Variants in CFAP57 observed in about 807,000 individuals in gnomAD.
CFAP57 encodes cilia and flagella associated protein 57.
A neutral mutation model predicts 146.8 loss-of-function variants in CFAP57; 116 were observed. That is an observed-to-expected ratio of 0.79 (90% CI 0.68 to 0.92). The LOEUF (loss-of-function observed/expected upper bound fraction) is 0.92. Ranked by LOEUF, CFAP57 falls within the 40% of genes least tolerant of loss-of-function variation. CFAP57 has a pLI of 0.00. For synonymous variants in CFAP57, 518 were observed against 552.8 expected, an observed-to-expected ratio of 0.94 and a Z score of 0.88; for missense variants, 1,377 against 1,527.2, an observed-to-expected ratio of 0.90 and a Z score of 1.64.
At chr1:43,205,660 G>A (rs902409436) in intron 9 of CFAP57, among the ~76,000 whole-genome samples, 3 of 152,158 alleles carry the variant, frequency 2.0e-5, no homozygotes, top group African/African-American at 2.4e-5. Flanking sequence ...ATGGGCCGAG[G>A]GGAAGAGAGT....
chr1:43,176,730 A>G (rs1476245520), intron 2 of CFAP57, among the ~76,000 whole-genome samples: 1 of 152,230 alleles, frequency 6.6e-6, no homozygotes, highest in Non-Finnish European at 1.5e-5. Flanking sequence ...GATGCTAATA[A>G]GAACAAACAA....
chr1:43,214,480 A>C (rs750322203), intron 11 of CFAP57, among the ~76,000 whole-genome samples: 1 of 152,214 alleles, frequency 6.6e-6, no homozygotes, highest in African/African-American at 2.4e-5. Context: ...GTAGTATTCC[A>C]TGAAAAACAA....
intron 16 of CFAP57, 86 bp from the exon 17 acceptor site, chr1:43,223,960 G>T (rs1645146064): frequency 6.8e-7 from 1 of 1,470,850 alleles, no homozygotes; most frequent in South Asian, 1.3e-5. Flanking sequence ...GGCCAGTGGT[G>T]GGGAGCCCCT....
Position 43,229,616 on chromosome 1 carries a change from A to G in CFAP57, c.3009+2490A>G, listed in dbSNP as rs570276647. ...CCCGCCCTCACATACTCTTTTTCCAACTTGGCTCTGATGATCCAAGGGTCC... is the reference window on the plus strand; with the variant it reads ...CCCGCCCTCACATACTCTTTTTCCAGCTTGGCTCTGATGATCCAAGGGTCC... On this transcript the variant is annotated intron_variant, in intron 18 of 22. Transcript: ENST00000372492. Among the ~76,000 whole-genome samples, 145 of 148,530 alleles carry G rather than the reference A, an allele frequency of 9.8e-4. 10 individuals carry two copies. The highest frequency in any genetic ancestry group is 1.6e-3 in the Non-Finnish European group (111 of 67,430).
intron 6 of CFAP57, among the ~76,000 whole-genome samples, chr1:43,189,804 G>A (rs1643384968): frequency 6.6e-6 from 1 of 152,206 alleles, no homozygotes; most frequent in Non-Finnish European, 1.5e-5. Flanking sequence ...GAAGATGAAG[G>A]GGTAGTATGC....
chr1:43,182,822 C>G (rs1437684005), intron 3 of CFAP57, among the ~76,000 whole-genome samples: 1 of 152,250 alleles, frequency 6.6e-6, no homozygotes, highest in Admixed American at 6.5e-5. Context: ...CACAGCCCCT[C>G]AAGTTGCTCA....
chr1:43,210,613 C>T (rs1306949853), intron 11 of CFAP57: 1 of 194,068 alleles, frequency 5.2e-6, no homozygotes, highest in Non-Finnish European at 9.6e-6. Context: ...TTAGGAGATA[C>T]TTGGAGCAGT....
rs1248877471 is a variant in CFAP57 at position 43,195,367 on chromosome 1, CA to C, written c.1123-2181del. On this transcript the variant is annotated intron_variant, in intron 6 of 22. Coordinates refer to ENST00000372492, the MANE Select transcript of CFAP57 (RefSeq NM_001378189.1). ...TGAAACCCCGTCTCTACTAAAAATA[CA>C]AAAATTAGCTGGGCATGGTGGCATG... is the stretch of plus-strand genomic sequence containing the variant. Among the ~76,000 whole-genome samples the C allele has an allele frequency of 8.6e-5, 13 of 151,986 alleles. No individual in the cohort carries two copies. The East Asian group carries it at 2.5e-3, about 29-fold the overall frequency.
At chr1:43,239,497 G>T (rs906235574) in intron 21 of CFAP57, among the ~76,000 whole-genome samples, 2 of 152,090 alleles carry the variant, frequency 1.3e-5, no homozygotes, top group African/African-American at 4.8e-5. Flanking sequence ...CTTGCCGGGG[G>T]GCCTTTACAG....
intron 22 of CFAP57, chr1:43,250,413 A>G (rs1231216043): frequency 2.6e-5 from 4 of 152,188 alleles, no homozygotes; most frequent in East Asian, 1.9e-4. Context: ...GCACCGAAGG[A>G]AAACATCACA....
rs776128468 is a variant in CFAP57, at chr1:43,185,236, C to A, written c.849C>A (p.Pro283=). Residue 283 remains proline, a synonymous_variant, in exon 5 of 23, where the codon CCC becomes CCA. Transcript: ENST00000372492. ...AASSHSQMSM[P]QVFAIAAYSK... is the part of the protein sequence containing the mutation. ...GTAGCCATAGCCAGATGTCCATGCCCCAGGTGTTTGCCATTGCAGCCTATT... is the reference window on the plus strand; with the variant it reads ...GTAGCCATAGCCAGATGTCCATGCCACAGGTGTTTGCCATTGCAGCCTATT... The A allele has an allele frequency of 1.4e-5, 23 of 1,614,022 alleles. No individual in the cohort carries two copies. The African/African-American group carries it at 2.7e-4, about 19-fold the overall frequency.
At chr1:43,235,798 G>A (rs1645664912) in intron 21 of CFAP57, among the ~76,000 whole-genome samples, 1 of 152,204 alleles carries the variant, frequency 6.6e-6, no homozygotes, top group Non-Finnish European at 1.5e-5. Flanking sequence ...GCAGTGAGCA[G>A]GGAAGGGAAA....
At chr1:43,246,270 ACAACCTG>A (rs1646111554) in intron 22 of CFAP57, among the ~76,000 whole-genome samples, 1 of 152,250 alleles carries the variant, frequency 6.6e-6, no homozygotes. Flanking sequence ...TTCTGATTTC[ACAACCTG>A]CAACAAAGCT....
Position 43,254,093 on chromosome 1 carries a change from C to T in CFAP57, c.3655C>T (p.Gln1219Ter). The change falls in exon 23 of 23, where the codon CAA becomes TAA. Residue 1219 changes from glutamine to a stop codon, truncating the protein, a stop_gained. Transcript: ENST00000372492. LOFTEE classifies it low-confidence loss of function (END_TRUNC). Reference protein sequence around the residue: ...LEIQRLRDQIQEQEQVTGFHT... With the variant: ...LEIQRLRDQI ...AATCCAGCGCCTCAGAGACCAGATC[C>T]AAGAGCAAGAGCAGGTCACAGGGTT... The T allele has an allele frequency of 6.4e-7, 1 of 1,550,614 alleles. No individual in the cohort carries two copies. Among genetic ancestry groups the T allele is most frequent in the Non-Finnish European group, 8.7e-7 (1 of 1,147,018 alleles).
intron 6 of CFAP57, among the ~76,000 whole-genome samples, chr1:43,192,292 A>G (rs930154944): frequency 1.3e-5 from 2 of 152,022 alleles, no homozygotes; most frequent in East Asian, 1.9e-4. Flanking sequence ...GTTTCTTGTC[A>G]TCTTCTGCCT....
intron 12 of CFAP57, 84 bp from the exon 13 acceptor site, chr1:43,219,298 G>A: frequency 1.4e-6 from 2 of 1,392,636 alleles, no homozygotes; most frequent in East Asian, 2.5e-5. Flanking sequence ...CAGAGCTGCA[G>A]GTCTCAGGTC....
At position 43,206,828 on chromosome 1, in the gene CFAP57, G is replaced by T. The variant is rs138469562; in HGVS notation, c.1651G>T (p.Val551Leu). ...CACAGGAAAGAGAGAGACAGAATGC[G>T]TGCTCAAGTCTTGCAGCTACAACTG... is the stretch of plus-strand genomic sequence containing the variant. ...LSTGKRETEC[V>L]LKSCSYNCVT... Residue 551 changes from valine to leucine, a missense_variant, in exon 10 of 23, where the codon GTG becomes TTG. Val to Leu is a conservative substitution (Grantham distance 32). Coordinates refer to ENST00000372492, the MANE Select transcript of CFAP57 (RefSeq NM_001378189.1). The T allele has an allele frequency of 3.4e-5, 55 of 1,614,086 alleles. No individual in the cohort carries two copies. The highest frequency in any genetic ancestry group is 4.0e-5 in the Non-Finnish European group (47 of 1,180,046).
chr1:43,241,470 T>A (rs1645918223), intron 21 of CFAP57, among the ~76,000 whole-genome samples: 1 of 151,934 alleles, frequency 6.6e-6, no homozygotes, highest in African/African-American at 2.4e-5. Flanking sequence ...CACAGGTACC[T>A]CCCCACAGCA....
At chr1:43,177,232 G>A (rs1203593973) in intron 2 of CFAP57, 3 of 456,172 alleles carry the variant, frequency 6.6e-6, no homozygotes, top group Middle Eastern at 3.2e-4. Flanking sequence ...ATGGCACTTG[G>A]AGCAGGTAGA....
Sources: allele counts gnomAD v4.1 joint callset (sites outside exome capture counted in the v4.1 genomes callset), GRCh38; gene constraint gnomAD v4.1.1; transcripts MANE v1.5; gene names NCBI Gene and HGNC (gene_info 2026-07-23, HGNC 2026-07-21).